The following TSHR variants were observed in gnomAD, a reference collection of about 807,000 sequenced individuals.
TSHR encodes the protein thyrotropin receptor.
In TSHR, 51 loss-of-function variants were observed where a neutral mutation model predicts 64.1. That is an observed-to-expected ratio of 0.80 (90% CI 0.64 to 1.01). The LOEUF (loss-of-function observed/expected upper bound fraction) is 1.01, where lower values mean the gene tolerates loss of function less well. Ranked by LOEUF, TSHR falls within the 50% of genes least tolerant of loss-of-function variation. TSHR has a pLI of 0.00. For synonymous variants in TSHR, 361 were observed against 361.9 expected, an observed-to-expected ratio of 1.00 and a Z score of 0.03; for missense variants, 877 against 942.8, an observed-to-expected ratio of 0.93 and a Z score of 0.91.
intron 1 of TSHR, chr14:80,982,423 G>T (rs996933431): frequency 8.0e-7 from 1 of 1,247,200 alleles, no homozygotes; most frequent in Non-Finnish European, 1.1e-6. Flanking sequence ...TGGTGCCCAG[G>T]TCTGTGCTGA....
Position 81,017,198 on chromosome 14 carries a change from G to A in TSHR, c.171-44950G>A, listed in dbSNP as rs949029465. 3.9e-5 allele frequency among the ~76,000 whole-genome samples: 6 copies of A among 152,198 alleles called. No individual in the cohort carries two copies. In the East Asian group the frequency reaches 1.2e-3, roughly 29 times the overall value. ...GAACACTAGGCATAAATGGGTTTAA[G>A]GGCACTTGGGGTCACAGATGTAAGC... On this transcript the variant is annotated intron_variant, in intron 1 of 9. Coordinates refer to ENST00000298171, the MANE Select transcript of TSHR (RefSeq NM_000369.5).
chr14:81,057,014 G>A (rs1885857755), intron 1 of TSHR, among the ~76,000 whole-genome samples: 2 of 152,112 alleles, frequency 1.3e-5, no homozygotes, highest in Admixed American at 1.3e-4. Flanking sequence ...TGATCCTTGT[G>A]GGTCTACACC....
chr14:81,048,457 C>A (rs539628103), intron 1 of TSHR, among the ~76,000 whole-genome samples: 3 of 152,034 alleles, frequency 2.0e-5, no homozygotes, highest in African/African-American at 7.2e-5. Flanking sequence ...ATACTAGGTT[C>A]GTTGGCCTGT....
At position 81,103,562 on chromosome 14, in the gene TSHR, C is replaced by A; in HGVS notation, c.615-4813C>A. On this transcript the variant is annotated intron_variant, in intron 7 of 9. Coordinates refer to ENST00000298171, the MANE Select transcript of TSHR (RefSeq NM_000369.5). This position sits in a 1 kb window ranked among gnomAD's most constrained non-coding sequence, Gnocchi z 4.1. ...TGCTGATGCCTCAGCAGCAGTCAAG[C>A]AATTAGTTAGGATTTCATGAAAATG... The A allele has an allele frequency of 1.0e-6, 1 of 985,424 alleles. No individual in the cohort carries two copies. The highest frequency in any genetic ancestry group is 1.2e-6 in the Non-Finnish European group (1 of 829,932). The allele number at this position is 985,424 out of a possible 1,614,324, so 61.0% of individuals were successfully genotyped here.
In TSHR at chr14:80,970,609, G is replaced by C. The variant is rs556257558; in HGVS notation, c.170+14759G>C. Among the ~76,000 whole-genome samples, 4 of 152,314 alleles carry C rather than the reference G, an allele frequency of 2.6e-5. No individual in the cohort carries two copies. In the East Asian group the frequency reaches 7.7e-4, roughly 29 times the overall value. ...GTTGTAAGACCTGCTGGGCTGGGCT[G>C]TATGGCCCACATGGCAGGGAAGCTG... On this transcript the variant is annotated intron_variant, in intron 1 of 9. Transcript: ENST00000298171.
chr14:80,989,674 T>C (rs567038651), intron 1 of TSHR, among the ~76,000 whole-genome samples: 1 of 152,302 alleles, frequency 6.6e-6, no homozygotes, highest in Non-Finnish European at 1.5e-5. Flanking sequence ...AGTCCTGGGT[T>C]CCCACAGCGT....
At chr14:81,116,887 A>G (rs1890538717) in intron 8 of TSHR, among the ~76,000 whole-genome samples, 4 of 147,904 alleles carry the variant, frequency 2.7e-5, no homozygotes, top group Non-Finnish European at 4.5e-5. Flanking sequence ...CTCACTCAAA[A>G]CCACTCAACT....
In TSHR at chr14:81,096,718, G is replaced by T. The variant is rs374690635; in HGVS notation, c.614+11G>T. The T allele has an allele frequency of 1.9e-6, 3 of 1,612,806 alleles. No homozygotes were observed. Among genetic ancestry groups the T allele is most frequent in the Non-Finnish European group, 2.5e-6 (3 of 1,179,256 alleles). ...AAAGCTGGATGCTGTGTAAGTCAAG[G>T]GTAGCCATGAAAACTGTCACTTTCC... On this transcript the variant is annotated intron_variant, in intron 7 of 9. Coordinates refer to ENST00000298171, the MANE Select transcript of TSHR (RefSeq NM_000369.5).
At chr14:81,113,760 A>C (rs1890339677) in intron 8 of TSHR, among the ~76,000 whole-genome samples, 1 of 152,240 alleles carries the variant, frequency 6.6e-6, no homozygotes, top group African/African-American at 2.4e-5. Flanking sequence ...ATGCAAGCTA[A>C]TTCAAATCAC....
intron 1 of TSHR, among the ~76,000 whole-genome samples, chr14:80,964,164 G>A (rs1345201972): frequency 3.3e-5 from 5 of 152,102 alleles, no homozygotes; most frequent in South Asian, 4.2e-4. Flanking sequence ...TCAGGAGATC[G>A]AGACCATCCT....
chr14:81,143,017 G>A lies in TSHR; in HGVS notation c.959G>A (p.Ser320Asn), dbSNP rs772172530. Residue 320 changes from serine to asparagine, a missense_variant, in exon 10 of 10, where the codon AGC (serine) becomes AAC (asparagine). Coordinates refer to ENST00000298171, the MANE Select transcript of TSHR (RefSeq NM_000369.5). ...AGAAAATCTGTGAATGCCTTGAATA[G>A]CCCCCTCCACCAGGAATATGAAGAG... is the stretch of plus-strand genomic sequence containing the variant. ...RQRKSVNALN[S>N]PLHQEYEENL... is the part of the protein sequence containing the mutation. 10 of 1,614,186 alleles carry A rather than the reference G, an allele frequency of 6.2e-6. No homozygotes were observed. In the South Asian group the frequency reaches 1.1e-4, roughly 18 times the overall value.
chr14:81,045,430 A>G (rs1482088905), intron 1 of TSHR, among the ~76,000 whole-genome samples: 9 of 151,908 alleles, frequency 5.9e-5, no homozygotes, highest in Non-Finnish European at 1.0e-4. Context: ...CACGTGTAGA[A>G]CGTGCAGGTT....
chr14:81,084,405 T>A (rs1402581815), intron 3 of TSHR, among the ~76,000 whole-genome samples: 1 of 152,232 alleles, frequency 6.6e-6, no homozygotes. Context: ...CATTCCTTCT[T>A]TTTAAACCTA....
chr14:81,108,648 T>A, intron 8 of TSHR, 196 bp downstream of exon 8: 1 of 1,614,138 alleles, frequency 6.2e-7, no homozygotes, highest in East Asian at 2.2e-5. Context: ...CCTTTGAGAC[T>A]CAGAAGGCCC....
rs200913778 is a variant in TSHR at position 81,068,234 on chromosome 14, T to C, written c.243-20T>C. 3 of 1,610,974 alleles carry C rather than the reference T, an allele frequency of 1.9e-6. No homozygotes were observed. Among genetic ancestry groups the C allele is most frequent in the African/African-American group, 2.7e-5 (2 of 74,922 alleles). On this transcript the variant is annotated intron_variant, in intron 2 of 9. Transcript: ENST00000298171. The stretch of plus-strand genomic sequence containing the variant: ...ACCTTACTAACTTTCTACTTTGTCT[T>C]ATATTTTTCTGACATTCAGCTACGT...
intron 1 of TSHR, chr14:81,033,277 A>T: frequency 2.1e-6 from 1 of 470,682 alleles, no homozygotes; most frequent in Non-Finnish European, 4.2e-6. Flanking sequence ...CCAAGAATAC[A>T]TCGAAAAGCA....
chr14:81,141,875 A>G (rs1321581724), intron 9 of TSHR, among the ~76,000 whole-genome samples: 1 of 152,194 alleles, frequency 6.6e-6, no homozygotes, highest in Non-Finnish European at 1.5e-5. Context: ...AATAATAATA[A>G]CAATAACCAC....
At chr14:81,108,680 G>T in intron 8 of TSHR, 1 of 1,613,960 alleles carries the variant, frequency 6.2e-7, no homozygotes, top group East Asian at 2.2e-5. Flanking sequence ...ATGCCATCAT[G>T]ATGCCTGCTA....
chr14:81,031,895 G>A (rs1276525037), intron 1 of TSHR, among the ~76,000 whole-genome samples: 1 of 152,192 alleles, frequency 6.6e-6, no homozygotes, highest in African/African-American at 2.4e-5. Flanking sequence ...ACCTTCAGGT[G>A]AAAGTCTTCC....
Sources: gnomAD v4.1 joint callset for allele counts (sites outside exome capture counted in the v4.1 genomes callset) on GRCh38, gnomAD v4.1.1 for gene constraint, Gnocchi (gnomAD v3.1) non-coding constraint, MANE v1.5 for transcripts, NCBI Gene and HGNC (gene_info 2026-07-23, HGNC 2026-07-21) for gene names.